SALL3: variants seen among roughly 807,000 people sequenced by gnomAD.
The protein encoded by SALL3 is spalt like transcription factor 3, also known as sal-like protein 3.
A neutral mutation model predicts 66.2 loss-of-function variants in SALL3; 25 were observed. That is an observed-to-expected ratio of 0.38 (90% CI 0.28 to 0.53). The LOEUF is 0.53. SALL3 is among the 20% of genes least tolerant of loss of function. The pLI, the probability that SALL3 is intolerant of heterozygous loss-of-function variation, is 0.85. For synonymous variants in SALL3, 1,152 were observed against 899.1 expected (o/e 1.28, Z -5.03); for missense variants, 2,194 against 1,916.5 (o/e 1.14, Z -2.70).
intron 2 of SALL3, 40 bp downstream of exon 2, chr18:78,995,502 C>T (rs1312027546): frequency 1.2e-5 from 18 of 1,494,452 alleles, no homozygotes; most frequent in African/African-American, 2.8e-5. Flanking sequence ...TGCGGTGCGG[C>T]CGAGCCACGG....
intron 1 of SALL3, among the ~76,000 whole-genome samples, chr18:78,981,261 GGCGGCGCCCGGGCTTCGGCGCGCCCC>G (rs988088420): frequency 6.6e-6 from 1 of 152,176 alleles, no homozygotes; most frequent in African/African-American, 2.4e-5. Context: ...AACCTCGGCC[GGCGGCGCCCGGGCTTCGGCGCGCCCC>G]GCGGGGCCCC....
Position 78,992,206 on chromosome 18 carries a change from G to A in SALL3, c.215G>A (p.Ser72Asn), listed in dbSNP as rs755458261. The A allele has an allele frequency of 6.8e-6, 11 of 1,609,650 alleles. No individual in the cohort carries two copies. The highest frequency in any genetic ancestry group is 9.3e-6 in the Non-Finnish European group (11 of 1,179,100). Residue 72 changes from serine (S) to asparagine (N), a missense_variant, in exon 2 of 3, where the codon AGC (serine) becomes AAC (asparagine). Coordinates refer to ENST00000537592, the MANE Select transcript of SALL3 (RefSeq NM_171999.4). ...GCGGACTTCCTGGAGCACCAGCGGA[G>A]CTGCACCAAGCTCCCGCCCGTGCTG... is the stretch of plus-strand genomic sequence containing the variant. Reference protein sequence around the residue: ...KWADFLEHQRSCTKLPPVLIV... With the variant: ...KWADFLEHQRNCTKLPPVLIV...
rs753043525 is a variant in SALL3, at chr18:78,993,746, G to A, written c.1755G>A (p.Gln585=). The change falls in exon 2 of 3, where the codon CAG becomes CAA. Residue 585 remains glutamine, a synonymous_variant. Transcript: ENST00000537592. ...TGTCGGCCACCGCCGAGTCCCCACA[G>A]TCGCTCCTCGGCGGGCCGCCCCTCA... is the stretch of plus-strand genomic sequence containing the variant. ...SGVSATAESP[Q]SLLGGPPLTK... is the part of the protein sequence containing the mutation. 1.3e-6 allele frequency: 2 copies of A among 1,547,564 alleles called. No homozygotes were observed. The highest frequency in any genetic ancestry group is 8.7e-7 in the Non-Finnish European group (1 of 1,155,784).
Position 78,994,997 on chromosome 18 carries a change from G to A in SALL3, c.3006G>A (p.Glu1002=), listed in dbSNP as rs975869855. The A allele has an allele frequency of 1.9e-6, 3 of 1,613,812 alleles. No homozygotes were observed. The African/African-American group carries it at 4.0e-5, about 22-fold the overall frequency. Residue 1002 remains glutamate, a synonymous_variant, in exon 2 of 3, where the codon GAG becomes GAA. Transcript: ENST00000537592. ...TCCACTACCGCAGCCATACTAAGGA[G>A]CGGCCATTCGTCTGCGCGCTCTGCA... ...LEIHYRSHTK[E]RPFVCALCRR...
rs1298235540 is a variant in SALL3, at chr18:78,979,864, T to C, written c.-411T>C. Among the ~76,000 whole-genome samples the C allele has an allele frequency of 7.0e-6, 1 of 142,224 alleles. No individual in the cohort carries two copies. The highest frequency in any genetic ancestry group is 1.6e-5 in the Non-Finnish European group (1 of 64,484). The allele number at this position is 142,224 out of a possible 152,430, so 93.3% of individuals were successfully genotyped here. A position where few individuals can be genotyped will look rare whatever the true frequency, so the allele number is the denominator to read the frequency against. On this transcript the variant is annotated 5_prime_UTR_variant, in exon 1 of 3. Coordinates refer to ENST00000537592, the MANE Select transcript of SALL3 (RefSeq NM_171999.4). ...CCGCCAAAGTTTGCTGCCTGCGCCCTGCGGAGGGACGGCCACCGCGGCCCG... is the reference window on the plus strand; with the variant it reads ...CCGCCAAAGTTTGCTGCCTGCGCCCCGCGGAGGGACGGCCACCGCGGCCCG...
chr18:78,988,592 T>TTTC (rs997234642), intron 1 of SALL3, among the ~76,000 whole-genome samples: 3 of 152,234 alleles, frequency 2.0e-5, no homozygotes, highest in Admixed American at 2.0e-4. Context: ...GCAGACAGAA[T>TTTC]TTCAATTCCA....
In SALL3 at chr18:78,980,256, C is replaced by G. The variant is rs1336804097; in HGVS notation, c.-19C>G. On this transcript the variant is annotated 5_prime_UTR_variant, in exon 1 of 3. Transcript: ENST00000537592. ...GCTGATGCCGCTGCCCCGCGCGGGG[C>G]CCGAGCGCCGCTAGCAGCATGTCTC... is the stretch of plus-strand genomic sequence containing the variant. 2 of 1,250,308 alleles carry G rather than the reference C, an allele frequency of 1.6e-6. No individual in the cohort carries two copies. The highest frequency in any genetic ancestry group is 1.6e-5 in the African/African-American group (1 of 62,746). 77.5% of individuals were successfully genotyped at this position (1,250,308 alleles called of 1,614,324 possible). A position where few individuals can be genotyped will look rare whatever the true frequency, so the allele number is the denominator to read the frequency against.
Position 78,997,463 on chromosome 18 carries a change from G to C in SALL3, c.*141G>C. ...TGTGCGGCTGCCGAGAGGTGGTCTTGTAAGCGCTGCATGGCGCTCCCTTCA... is the reference window on the plus strand; with the variant it reads ...TGTGCGGCTGCCGAGAGGTGGTCTTCTAAGCGCTGCATGGCGCTCCCTTCA... On this transcript the variant is annotated 3_prime_UTR_variant, in exon 3 of 3. Transcript: ENST00000537592. 2.5e-6 allele frequency: 2 copies of C among 785,758 alleles called. No homozygotes were observed. The highest frequency in any genetic ancestry group is 1.7e-5 in the South Asian group (1 of 58,154). 48.7% of individuals were successfully genotyped at this position (785,758 alleles called of 1,614,324 possible).
At position 78,997,011 on chromosome 18, in the gene SALL3, A is replaced by G; in HGVS notation, c.3592A>G (p.Lys1198Glu). 1 of 1,614,164 alleles carries G rather than the reference A, an allele frequency of 6.2e-7. No individual in the cohort carries two copies. The highest frequency in any genetic ancestry group is 8.5e-7 in the Non-Finnish European group (1 of 1,180,034). Residue 1198 changes from lysine (K) to glutamate (E), a missense_variant, in exon 3 of 3, where the codon AAG (lysine) becomes GAG (glutamate). Coordinates refer to ENST00000537592, the MANE Select transcript of SALL3 (RefSeq NM_171999.4). ...CCTGAAGTTCTCTGAAATGTTCCAG[A>G]AGGACCTGGCAGCTCGGGCAATGAA... ...DALKFSEMFQ[K>E]DLAARAMNVD...
intron 1 of SALL3, among the ~76,000 whole-genome samples, chr18:78,980,618 G>A (rs1418515576): frequency 6.6e-6 from 1 of 151,776 alleles, no homozygotes; most frequent in African/African-American, 2.4e-5. Flanking sequence ...GAAGGGCGCC[G>A]AGGCCGCGGC....
chr18:78,991,940 CGCACG>C, intron 1 of SALL3, 129 bp from the exon 2 acceptor site: 1 of 642,958 alleles, frequency 1.6e-6, no homozygotes, highest in South Asian at 2.8e-5. Context: ...TCATAGAATA[CGCACG>C]CTGGGACGTC....
chr18:78,985,245 TTAAC>T (rs1914205333), intron 1 of SALL3, among the ~76,000 whole-genome samples: 1 of 152,248 alleles, frequency 6.6e-6, no homozygotes, highest in Non-Finnish European at 1.5e-5. Context: ...AATCTGAGTG[TTAAC>T]TAGAGATCCC....
rs746972819 is a variant in SALL3, at chr18:78,993,899, G to A, written c.1908G>A (p.Leu636=). 6.3e-7 allele frequency: 1 copy of A among 1,588,954 alleles called. No individual in the cohort carries two copies. The highest frequency in any genetic ancestry group is 8.6e-7 in the Non-Finnish European group (1 of 1,168,722). Residue 636 remains leucine, a synonymous_variant, in exon 2 of 3, where the codon CTG becomes CTA. Coordinates refer to ENST00000537592, the MANE Select transcript of SALL3 (RefSeq NM_171999.4). The part of the protein sequence containing the change: ...GAPTSLGSPG[L]PAVSEQFKAQ... ...CCACGAGCCTCGGCAGCCCCGGGCT[G>A]CCCGCCGTCTCCGAGCAGTTCAAGG...
chr18:78,993,977 G>C lies in SALL3; in HGVS notation c.1986G>C (p.Ser662=). 6.2e-7 allele frequency: 1 copy of C among 1,612,014 alleles called. No homozygotes were observed. The change falls in exon 2 of 3, where the codon TCG becomes TCC. Residue 662 remains serine, a synonymous_variant. Transcript: ENST00000537592. ...ACTCGATGCAAACGTCGGAAACCTC[G>C]AAGCTGCAGCAGCTGGTGGAGAACA... is the stretch of plus-strand genomic sequence containing the variant. The part of the protein sequence containing the change: ...LLDSMQTSET[S]KLQQLVENID...
intron 1 of SALL3, among the ~76,000 whole-genome samples, chr18:78,981,318 C>T (rs937402754): frequency 2.0e-5 from 3 of 152,172 alleles, no homozygotes; most frequent in Non-Finnish European, 4.4e-5. Context: ...GGAAAGAGGG[C>T]CGAGGAGGGG....
In SALL3 at chr18:78,992,552, G is replaced by A. The variant is rs1253063876; in HGVS notation, c.561G>A (p.Ala187=). The A allele has an allele frequency of 1.3e-6, 2 of 1,499,696 alleles. No individual in the cohort carries two copies. The highest frequency in any genetic ancestry group is 4.1e-5 in the Admixed American group (2 of 48,710). The allele number at this position is 1,499,696 out of a possible 1,614,324, so 92.9% of individuals were successfully genotyped here. A position where few individuals can be genotyped will look rare whatever the true frequency, so the allele number is the denominator to read the frequency against. ...CGCAGTTCTCGCAGGGCGCGCGCGC[G>A]GCAGGCGGCTCGGGAGCAGGTGGAG... ...AVAQFSQGAR[A]AGGSGAGGGV... Residue 187 remains alanine, a synonymous_variant, in exon 2 of 3, where the codon GCG becomes GCA. Coordinates refer to ENST00000537592, the MANE Select transcript of SALL3 (RefSeq NM_171999.4).
Position 78,993,759 on chromosome 18 carries a change from G to A in SALL3, c.1768G>A (p.Gly590Arg), listed in dbSNP as rs780351587. Residue 590 changes from glycine to arginine, a missense_variant, in exon 2 of 3, where the codon GGG (glycine) becomes AGG (arginine). Transcript: ENST00000537592. The part of the protein sequence containing the change: ...TAESPQSLLG[G>R]PPLTKAEPVS... ...CGAGTCCCCACAGTCGCTCCTCGGC[G>A]GGCCGCCCCTCACTAAAGCCGAGCC... The A allele has an allele frequency of 2.2e-5, 34 of 1,542,090 alleles. No homozygotes were observed. The highest frequency in any genetic ancestry group is 3.9e-5 in the Admixed American group (2 of 51,832).
chr18:78,981,881 AAGAC>A (rs1394130803), intron 1 of SALL3, among the ~76,000 whole-genome samples: 1 of 152,198 alleles, frequency 6.6e-6, no homozygotes, highest in Non-Finnish European at 1.5e-5. Flanking sequence ...CCGAATGAGA[AAGAC>A]AGTCTTTCCT....
At position 78,994,415 on chromosome 18, in the gene SALL3, C is replaced by T. The variant is rs954044699; in HGVS notation, c.2424C>T (p.Asp808=). The T allele has an allele frequency of 1.5e-5, 24 of 1,612,754 alleles. No homozygotes were observed. The highest frequency in any genetic ancestry group is 2.7e-5 in the African/African-American group (2 of 74,942). Reference sequence around the variant, plus strand: ...TGGACGAGAACTCCATGGAGGACGACGCTGAGCTGAAGGACGCGGCCACCG... The same window carrying T: ...TGGACGAGAACTCCATGGAGGACGATGCTGAGCTGAAGGACGCGGCCACCG... The part of the protein sequence containing the change: ...DDMDENSMED[D]AELKDAATDP... The change falls in exon 2 of 3, where the codon GAC becomes GAT. Residue 808 remains aspartate, a synonymous_variant. Transcript: ENST00000537592.
Sources: gnomAD v4.1 joint callset for allele counts (sites outside exome capture counted in the v4.1 genomes callset) on GRCh38, gnomAD v4.1.1 for gene constraint, MANE v1.5 for transcripts, NCBI Gene and HGNC (gene_info 2026-07-23, HGNC 2026-07-21) for gene names.